The following PUM1 variants were observed in gnomAD, a reference collection of about 807,000 sequenced individuals.
PUM1 encodes pumilio RNA binding family member 1.
A neutral mutation model predicts 131.8 loss-of-function variants in PUM1; 13 were observed. That is an observed-to-expected ratio of 0.10 (90% CI 0.06 to 0.16). The LOEUF is 0.16. Ranked by LOEUF, PUM1 falls within the 10% of genes least tolerant of loss-of-function variation. The pLI, the probability that PUM1 is intolerant of heterozygous loss-of-function variation, is 1.00. For missense variants in PUM1, 961 were observed against 1,512.4 expected (o/e 0.64, Z 6.05); for synonymous variants, 509 against 556.5 (o/e 0.91, Z 1.20).
chr1:30,990,617 G>C (rs536646676), intron 7 of PUM1, among the ~76,000 whole-genome samples: 1 of 151,946 alleles, frequency 6.6e-6, no homozygotes, highest in African/African-American at 2.4e-5. Context: ...GGGTCTTAAA[G>C]ATATAGGAGG....
intron 20 of PUM1, among the ~76,000 whole-genome samples, chr1:30,937,937 A>T (rs1639282913): frequency 6.6e-6 from 1 of 151,738 alleles, no homozygotes; most frequent in Non-Finnish European, 1.5e-5. Flanking sequence ...ACACCGGGCT[A>T]ATTTTTGTAT....
intron 21 of PUM1, chr1:30,935,854 G>A (rs1164880339): frequency 1.3e-4 from 46 of 341,238 alleles, no homozygotes; most frequent in South Asian, 7.2e-4. Flanking sequence ...GAGAAGCACC[G>A]GAGGCTGGAG....
In PUM1 at chr1:30,998,158, C is replaced by T. The variant is rs138563808; in HGVS notation, c.721-2938G>A. ...GTTTTGATTTTGCAGAAATTCAAGACGAACATTTATGGCTCGTACACTTCT... is the reference window on the plus strand; with the variant it reads ...GTTTTGATTTTGCAGAAATTCAAGATGAACATTTATGGCTCGTACACTTCT... On this transcript the variant is annotated intron_variant, in intron 5 of 21. Transcript: ENST00000426105. Among the ~76,000 whole-genome samples, 484 of 152,138 alleles carry T rather than the reference C, an allele frequency of 3.2e-3. 2 individuals are homozygous for T. The highest frequency in any genetic ancestry group is 0.011 in the African/African-American group (454 of 41,502).
chr1:31,026,044 A>G (rs10753243), intron 3 of PUM1, among the ~76,000 whole-genome samples: 119,890 of 152,084 alleles, frequency 0.79, 48,050 homozygotes, highest in African/African-American at 0.92. Context: ...CTGAGCTCAG[A>G]AGTTCAAGAC....
At chr1:31,024,767 T>A (rs1009135862) in intron 3 of PUM1, among the ~76,000 whole-genome samples, 1 of 152,216 alleles carries the variant, frequency 6.6e-6, no homozygotes. Context: ...GCTTCTTTTT[T>A]AAAAATCCAT....
At chr1:31,006,601 C>G (rs1014456562) in intron 4 of PUM1, among the ~76,000 whole-genome samples, 1 of 152,132 alleles carries the variant, frequency 6.6e-6, no homozygotes, top group Non-Finnish European at 1.5e-5. Flanking sequence ...GATTTGGTCC[C>G]AATCACGTTT....
In PUM1 at chr1:30,980,249, CAGACAGTAG is replaced by C. The variant is rs1641306048; in HGVS notation, c.1253-95_1253-87del. Reference sequence around the variant, plus strand: ...ACCTACACAGTTTCGCTATTCACTCCAGACAGTAGATAAGGAAAAAATGAAAAAAGAGAA... The same window carrying C: ...ACCTACACAGTTTCGCTATTCACTCCATAAGGAAAAAATGAAAAAAGAGAA... On this transcript the variant is annotated intron_variant, in intron 8 of 21. Coordinates refer to ENST00000426105, the MANE Select transcript of PUM1 (RefSeq NM_001020658.2). 3 of 1,030,498 alleles carry C rather than the reference CAGACAGTAG, an allele frequency of 2.9e-6. No homozygotes were observed. The African/African-American group carries it at 4.7e-5, about 16-fold the overall frequency. 63.8% of individuals were successfully genotyped at this position (1,030,498 alleles called of 1,614,324 possible). A position where few individuals can be genotyped will look rare whatever the true frequency, so the allele number is the denominator to read the frequency against.
chr1:30,978,563 T>C (rs1044271036), intron 9 of PUM1, among the ~76,000 whole-genome samples: 1 of 152,238 alleles, frequency 6.6e-6, no homozygotes, highest in Non-Finnish European at 1.5e-5. Flanking sequence ...AAGTTCATAA[T>C]TGCAAATTAC....
At chr1:31,055,271 T>C (rs545029019) in intron 2 of PUM1, 1 of 450,798 alleles carries the variant, frequency 2.2e-6, no homozygotes, top group South Asian at 1.6e-5. Flanking sequence ...TTGCCATGTG[T>C]TTCCCAGCAG....
chr1:30,967,449 T>C (rs1640668123), intron 11 of PUM1, 139 bp from the exon 12 acceptor site: 2 of 717,358 alleles, frequency 2.8e-6, no homozygotes, highest in East Asian at 5.5e-5. Flanking sequence ...ATCACTTAAA[T>C]AGTTGAATAA....
At chr1:31,006,253 G>A (rs1382602977) in intron 4 of PUM1, among the ~76,000 whole-genome samples, 9 of 152,098 alleles carry the variant, frequency 5.9e-5, no homozygotes, top group Non-Finnish European at 1.5e-5. Flanking sequence ...AGTTTATCTA[G>A]CTTATCTGGT....
intron 3 of PUM1, among the ~76,000 whole-genome samples, chr1:31,010,709 C>G (rs2124516767): frequency 6.6e-6 from 1 of 152,234 alleles, no homozygotes; most frequent in African/African-American, 2.4e-5. Context: ...TGGAAACAGA[C>G]CTTTCTCCAA....
At chr1:30,987,144 T>A (rs1402384112) in intron 7 of PUM1, among the ~76,000 whole-genome samples, 2 of 152,000 alleles carry the variant, frequency 1.3e-5, no homozygotes, top group African/African-American at 4.8e-5. Context: ...ACTGATATAA[T>A]CCTGGCTTTG....
At chr1:30,994,692 C>A (rs763824166) in intron 6 of PUM1, among the ~76,000 whole-genome samples, 7 of 152,192 alleles carry the variant, frequency 4.6e-5, no homozygotes, top group Non-Finnish European at 7.3e-5. Flanking sequence ...CCATTAGTAA[C>A]CATAGCTCTC....
intron 17 of PUM1, among the ~76,000 whole-genome samples, chr1:30,948,490 T>C (rs1639776290): frequency 6.6e-6 from 1 of 152,008 alleles, no homozygotes; most frequent in South Asian, 2.1e-4. Flanking sequence ...CTGGGTATGG[T>C]ATCTCACACC....
At chr1:30,968,577 A>C in intron 10 of PUM1, 85 bp from the exon 11 acceptor site, 1 of 1,404,294 alleles carries the variant, frequency 7.1e-7, no homozygotes, top group South Asian at 1.4e-5. Context: ...TCAACTTTTA[A>C]AACTTAATTG....
intron 15 of PUM1, among the ~76,000 whole-genome samples, 200 bp from the exon 16 acceptor site, chr1:30,952,563 T>C (rs534833108): frequency 6.6e-6 from 1 of 151,920 alleles, no homozygotes; most frequent in East Asian, 1.9e-4. Flanking sequence ...AGGAAGAAGG[T>C]CCTAACTTAA....
chr1:30,980,813 T>C (rs1219269346), intron 8 of PUM1, among the ~76,000 whole-genome samples: 1 of 152,184 alleles, frequency 6.6e-6, no homozygotes, highest in Non-Finnish European at 1.5e-5. Context: ...GGCAGTACGA[T>C]GAATACATCG....
rs555681490 is a variant in PUM1, at chr1:31,012,519, G to C, written c.433-5417C>G. On this transcript the variant is annotated intron_variant, in intron 3 of 21. Coordinates refer to ENST00000426105, the MANE Select transcript of PUM1 (RefSeq NM_001020658.2). Reference sequence around the variant, plus strand: ...TACACTGTTTATCCCACCCTGAATCGTAAGTTTATAAAATAAAAAAACTTA... The same window carrying C: ...TACACTGTTTATCCCACCCTGAATCCTAAGTTTATAAAATAAAAAAACTTA... Among the ~76,000 whole-genome samples, 12 of 135,520 alleles carry C rather than the reference G, an allele frequency of 8.9e-5. No individual in the cohort carries two copies. In the South Asian group the frequency reaches 2.3e-3, roughly 26 times the overall value. The allele number at this position is 135,520 out of a possible 152,430, so 88.9% of individuals were successfully genotyped here.
Sources: allele counts gnomAD v4.1 joint callset (sites outside exome capture counted in the v4.1 genomes callset), GRCh38; gene constraint gnomAD v4.1.1; transcripts MANE v1.5; gene names NCBI Gene and HGNC (gene_info 2026-07-23, HGNC 2026-07-21).